CNR1: variants seen among roughly 807,000 people sequenced by gnomAD.
CNR1 encodes the protein cannabinoid receptor 1, also known as cannabinoid receptor 1 (brain).
A neutral mutation model predicts 23.0 loss-of-function variants in CNR1; 10 were observed. The ratio of observed to expected loss-of-function variants is 0.43; its 90% confidence interval spans 0.27 to 0.74. CNR1 has a LOEUF of 0.74. Ranked by LOEUF, CNR1 falls within the 30% of genes least tolerant of loss-of-function variation. The probability of loss-of-function intolerance (pLI) is 0.19; values close to 1 mark genes in which losing one functional copy is unlikely to be tolerated. For synonymous variants in CNR1, 271 were observed against 255.2 expected, an observed-to-expected ratio of 1.06 and a Z score of -0.59; for missense variants, 422 against 618.8, an observed-to-expected ratio of 0.68 and a Z score of 3.37.
rs1016487873 is a variant in CNR1, at chr6:88,141,246, C to T, written c.*2610G>A. ...GGTTAAGAAATGATATGAAAAGTGT[C>T]AAAGTGAATCTAACTAGTTTTAAAC... On this transcript the variant is annotated 3_prime_UTR_variant, in exon 2 of 2. Transcript: ENST00000369501. 2.0e-5 allele frequency: 3 copies of T among 152,724 alleles called. No homozygotes were observed. Among genetic ancestry groups the T allele is most frequent in the African/African-American group, 7.2e-5 (3 of 41,422 alleles). 9.5% of individuals were successfully genotyped at this position (152,724 alleles called of 1,614,324 possible).
rs745569583 is a variant in CNR1 at position 88,144,116 on chromosome 6, G to A, written c.1159C>T (p.Leu387=). 6.2e-7 allele frequency: 1 copy of A among 1,614,066 alleles called. No individual in the cohort carries two copies. The highest frequency in any genetic ancestry group is 1.1e-5 in the South Asian group (1 of 91,060). The change falls in exon 2 of 2, where the codon CTG becomes TTG. Residue 387 remains leucine, a synonymous_variant. Transcript: ENST00000369501. The surrounding 1 kb of genome is among the most constrained non-coding windows in gnomAD (Gnocchi z 7.8). ...ATGGGGTTCACGGTGGAGTTCAGCA[G>A]GCAGAGCATACTGCAGAATGCAAAC... ...TVFAFCSMLC[L]LNSTVNPIIY... is the part of the protein sequence containing the mutation.
intron 1 of CNR1, among the ~76,000 whole-genome samples, chr6:88,157,651 T>G (rs894623258): frequency 6.6e-6 from 1 of 152,168 alleles, no homozygotes. Context: ...AAAACAAATA[T>G]GTTTAAACCA....
At chr6:88,162,285 A>G (rs1021417350) in intron 1 of CNR1, among the ~76,000 whole-genome samples, 2 of 152,222 alleles carry the variant, frequency 1.3e-5, no homozygotes, top group African/African-American at 4.8e-5. Context: ...ACATATTTAA[A>G]TTTTTATTTC....
intron 1 of CNR1, among the ~76,000 whole-genome samples, chr6:88,146,115 C>A (rs1777169692): frequency 6.6e-6 from 1 of 151,312 alleles, no homozygotes; most frequent in South Asian, 2.1e-4. Context: ...TTCTTTCTTT[C>A]TTTCTTTTTG....
chr6:88,141,671 T>C lies in CNR1; in HGVS notation c.*2185A>G, dbSNP rs1776827155. 6.6e-6 allele frequency: 1 copy of C among 152,394 alleles called. No homozygotes were observed. Among genetic ancestry groups the C allele is most frequent in the Admixed American group, 6.5e-5 (1 of 15,288 alleles). 9.4% of individuals were successfully genotyped at this position (152,394 alleles called of 1,614,324 possible). On this transcript the variant is annotated 3_prime_UTR_variant, in exon 2 of 2. Coordinates refer to ENST00000369501, the MANE Select transcript of CNR1 (RefSeq NM_016083.6). ...TGTCTTTAGAAAGAGATCTTACTAA[T>C]CCTCTAGCACCCTGAGCCTTCATCT...
In CNR1 at chr6:88,144,918, A is replaced by G; in HGVS notation, c.357T>C (p.Ile119=). Residue 119 remains isoleucine (I), a synonymous_variant, in exon 2 of 2, where the codon ATT becomes ATC. Coordinates refer to ENST00000369501, the MANE Select transcript of CNR1 (RefSeq NM_016083.6). This position sits in a 1 kb window ranked among gnomAD's most constrained non-coding sequence, Gnocchi z 7.8. ...MVLNPSQQLA[I]AVLSLTLGTF... ...TGCCCAGCGTGAGGGACAGGACTGC[A>G]ATGGCCAGCTGCTGGCTGGGGTTCA... 6.2e-7 allele frequency: 1 copy of G among 1,614,172 alleles called. No homozygotes were observed. The highest frequency in any genetic ancestry group is 8.5e-7 in the Non-Finnish European group (1 of 1,180,012).
At position 88,166,003 on chromosome 6, in the gene CNR1, G is replaced by C. The variant is rs1239974489; in HGVS notation, c.-264C>G. On this transcript the variant is annotated 5_prime_UTR_variant, in exon 1 of 2. Coordinates refer to ENST00000369501, the MANE Select transcript of CNR1 (RefSeq NM_016083.6). ...GCGGAGGCGGAAAAGAAGTGGAGAA[G>C]GAAGGGGTGGCAGAGGGAGTAGCGT... 2.0e-5 allele frequency: 3 copies of C among 152,954 alleles called. No individual in the cohort carries two copies. Among genetic ancestry groups the C allele is most frequent in the Non-Finnish European group, 4.4e-5 (3 of 68,600 alleles). 9.5% of individuals were successfully genotyped at this position (152,954 alleles called of 1,614,324 possible).
chr6:88,153,288 GT>G (rs1562511063), intron 1 of CNR1, among the ~76,000 whole-genome samples: 1 of 151,884 alleles, frequency 6.6e-6, no homozygotes, highest in Non-Finnish European at 1.5e-5. Context: ...GCATAAAGTT[GT>G]TGTTTTTTTT....
At chr6:88,163,687 C>A (rs957875660) in intron 1 of CNR1, among the ~76,000 whole-genome samples, 1 of 152,144 alleles carries the variant, frequency 6.6e-6, no homozygotes, top group African/African-American at 2.4e-5. Context: ...ATAGGTAAAC[C>A]GAATCAAAGA....
In CNR1 at chr6:88,144,654, C is replaced by A. The variant is rs1421571407; in HGVS notation, c.621G>T (p.Leu207=). The A allele has an allele frequency of 6.2e-7, 1 of 1,614,238 alleles. No homozygotes were observed. The highest frequency in any genetic ancestry group is 8.5e-7 in the Non-Finnish European group (1 of 1,180,054). The change falls in exon 2 of 2, where the codon CTG becomes CTT. Residue 207 remains leucine (L), a synonymous_variant. Coordinates refer to ENST00000369501, the MANE Select transcript of CNR1 (RefSeq NM_016083.6). This position sits in a 1 kb window ranked among gnomAD's most constrained non-coding sequence, Gnocchi z 7.8. ...TASFTASVGS[L]FLTAIDRYIS... Reference sequence around the variant, plus strand: ...TGTACCTGTCGATGGCTGTGAGGAACAGGCTGCCCACGGAGGCAGTGAAGG... The same window carrying A: ...TGTACCTGTCGATGGCTGTGAGGAAAAGGCTGCCCACGGAGGCAGTGAAGG...
intron 1 of CNR1, among the ~76,000 whole-genome samples, chr6:88,160,853 T>C (rs80040092): frequency 0.016 from 2,408 of 152,328 alleles, 74 homozygotes; most frequent in African/African-American, 0.054. Flanking sequence ...TCTAAAGTTA[T>C]GATCTAAAAG....
Position 88,165,982 on chromosome 6 carries a change from A to G in CNR1, c.-243T>C, listed in dbSNP as rs928542613. 1 of 153,016 alleles carries G rather than the reference A, an allele frequency of 6.5e-6. No individual in the cohort carries two copies. Among genetic ancestry groups the G allele is most frequent in the Non-Finnish European group, 1.5e-5 (1 of 68,566 alleles). The allele number at this position is 153,016 out of a possible 1,614,324, so 9.5% of individuals were successfully genotyped here. ...CGCCGCGGGAGACAAGAAGAGGCGG[A>G]GGCGGAAAAGAAGTGGAGAAGGAAG... On this transcript the variant is annotated 5_prime_UTR_variant, in exon 1 of 2. Coordinates refer to ENST00000369501, the MANE Select transcript of CNR1 (RefSeq NM_016083.6).
At chr6:88,153,687 G>A (rs1255418689) in intron 1 of CNR1, among the ~76,000 whole-genome samples, 3 of 152,186 alleles carry the variant, frequency 2.0e-5, no homozygotes, top group African/African-American at 7.2e-5. Context: ...TCATTTCTGG[G>A]AACAAGTCTG....
chr6:88,166,457 C>G (rs1474338345), upstream of CNR1: 2 of 152,520 alleles, frequency 1.3e-5, no homozygotes, highest in African/African-American at 4.8e-5. Flanking sequence ...GAGGGAACTG[C>G]GCGGGGAGGG....
At chr6:88,149,692 T>C (rs1777416961) in intron 1 of CNR1, among the ~76,000 whole-genome samples, 1 of 152,192 alleles carries the variant, frequency 6.6e-6, no homozygotes, top group African/African-American at 2.4e-5. Flanking sequence ...TTTATCTGGA[T>C]AGAAGCTCTC....
Position 88,143,970 on chromosome 6 carries a change from G to A in CNR1, c.1305C>T (p.His435=), listed in dbSNP as rs75641625. Residue 435 remains histidine, a synonymous_variant, in exon 2 of 2, where the codon CAC becomes CAT. Coordinates refer to ENST00000369501, the MANE Select transcript of CNR1 (RefSeq NM_016083.6). ...SMGDSDCLHK[H]ANNAASVHRA... is the part of the protein sequence containing the mutation. ...TGTGAACACTGGCTGCATTGTTTGC[G>A]TGTTTGTGCAGGCAGTCCGAGTCCC... The A allele has an allele frequency of 1.4e-4, 223 of 1,613,972 alleles. No individual in the cohort carries two copies. The highest frequency in any genetic ancestry group is 2.2e-4 in the Admixed American group (13 of 60,000).
intron 1 of CNR1, among the ~76,000 whole-genome samples, chr6:88,155,492 C>T (rs372743659): frequency 1.2e-4 from 19 of 152,282 alleles, no homozygotes; most frequent in African/African-American, 4.6e-4. Flanking sequence ...GAAATTTGAT[C>T]CAGGTCTGCA....
At position 88,141,781 on chromosome 6, in the gene CNR1, C is replaced by T. The variant is rs1052518370; in HGVS notation, c.*2075G>A. On this transcript the variant is annotated 3_prime_UTR_variant, in exon 2 of 2. Coordinates refer to ENST00000369501, the MANE Select transcript of CNR1 (RefSeq NM_016083.6). ...ACAATGCAAAGTATCTCATAAGCCA[C>T]ATCCTGCCTTAGAGCGTGAACCGTA... 2 of 152,322 alleles carry T rather than the reference C, an allele frequency of 1.3e-5. No individual in the cohort carries two copies. The highest frequency in any genetic ancestry group is 1.3e-4 in the Admixed American group (2 of 15,278). The allele number at this position is 152,322 out of a possible 1,614,324, so 9.4% of individuals were successfully genotyped here.
chr6:88,145,119 G>A lies in CNR1; in HGVS notation c.156C>T (p.Ser52=), dbSNP rs1777097196. Residue 52 remains serine, a synonymous_variant, in exon 2 of 2, where the codon TCC becomes TCT. Transcript: ENST00000369501. The part of the protein sequence containing the change: ...GYFPQKFPLT[S]FRGSPFQEKM... ...TCTCTTGGAAGGGACTTCCCCTAAA[G>A]GAAGTTAAAGGGAATTTCTGTGGGA... 6.2e-7 allele frequency: 1 copy of A among 1,614,192 alleles called. No homozygotes were observed. Among genetic ancestry groups the A allele is most frequent in the African/African-American group, 1.3e-5 (1 of 75,026 alleles).
Sources: gnomAD v4.1 joint callset for allele counts (sites outside exome capture counted in the v4.1 genomes callset) on GRCh38, gnomAD v4.1.1 for gene constraint, Gnocchi (gnomAD v3.1) non-coding constraint, MANE v1.5 for transcripts, NCBI Gene and HGNC (gene_info 2026-07-23, HGNC 2026-07-21) for gene names.